The following RARS1 variants were observed in gnomAD, a reference collection of about 807,000 sequenced individuals.
RARS1 encodes the protein arginyl-tRNA synthetase 1.
A neutral mutation model predicts 78.7 loss-of-function variants in RARS1; 75 were observed. That is an observed-to-expected ratio of 0.95 (90% CI 0.79 to 1.15). The LOEUF (loss-of-function observed/expected upper bound fraction) is 1.15, where lower values mean the gene tolerates loss of function less well. Among genes scored for constraint, RARS1 ranks in the 50% most tolerant of loss-of-function variants. RARS1 has a pLI of 0.00. For synonymous variants in RARS1, 273 were observed against 268.2 expected (o/e 1.02, Z -0.18); for missense variants, 787 against 787.5 (o/e 1.00, Z 0.01).
intron 10 of RARS1, 30 bp from the exon 11 acceptor site, chr5:168,506,692 C>G: frequency 6.8e-7 from 1 of 1,468,890 alleles, no homozygotes; most frequent in East Asian, 2.3e-5. Flanking sequence ...TTAAAGAAGA[C>G]TAGCAAGTAA....
Position 168,488,729 on chromosome 5 carries a change from T to C in RARS1, c.173T>C (p.Leu58Pro). 1 of 1,603,670 alleles carries C rather than the reference T, an allele frequency of 6.2e-7. No homozygotes were observed. The highest frequency in any genetic ancestry group is 8.5e-7 in the Non-Finnish European group (1 of 1,176,982). The change falls in exon 2 of 15, where the codon CTT becomes CCT. Residue 58 changes from leucine (L) to proline (P), a missense_variant. By Grantham distance (98) the Leu-to-Pro change is moderately conservative. Coordinates refer to ENST00000231572, the MANE Select transcript of RARS1 (RefSeq NM_002887.4). The part of the protein sequence containing the change: ...NLKLKYRLNI[L>P]RKSLQAERNK... ...AAATTAAAGTATCGACTGAATATTC[T>C]TCGAAAGGTGAGTACTTTGGGTTCC...
Position 168,488,661 on chromosome 5 carries a change from A to T in RARS1, c.105A>T (p.Leu35Phe). 6.2e-7 allele frequency: 1 copy of T among 1,612,922 alleles called. No homozygotes were observed. Among genetic ancestry groups the T allele is most frequent in the Non-Finnish European group, 8.5e-7 (1 of 1,179,752 alleles). ...EIDRLKNCGC[L>F]GASPNLEQLQ... ...ACCGGTTGAAAAACTGTGGCTGTTT[A>T]GGAGCTTCTCCAAATTTGGAGCAGT... Residue 35 changes from leucine (L) to phenylalanine (F), a missense_variant, in exon 2 of 15, where the codon TTA becomes TTT. Coordinates refer to ENST00000231572, the MANE Select transcript of RARS1 (RefSeq NM_002887.4).
intron 13 of RARS1, 99 bp downstream of exon 13, chr5:168,517,049 C>G (rs984173148): frequency 7.8e-6 from 10 of 1,285,736 alleles, no homozygotes; most frequent in Non-Finnish European, 5.4e-6. Flanking sequence ...GAGACGGGGT[C>G]TTGGGCTCAA....
At chr5:168,494,214 C>T in intron 4 of RARS1, 1 of 979,328 alleles carries the variant, frequency 1.0e-6, no homozygotes. Context: ...TACTTTGCCT[C>T]TCTGTGATTC....
rs771746576 is a variant in RARS1, at chr5:168,495,409, T to G, written c.674T>G (p.Phe225Cys). The G allele has an allele frequency of 2.5e-6, 4 of 1,613,956 alleles. No homozygotes were observed. The South Asian group carries it at 3.3e-5, about 13-fold the overall frequency. The change falls in exon 6 of 15, where the codon TTT becomes TGT. Residue 225 changes from phenylalanine to cysteine, a missense_variant. By Grantham distance (205) the Phe-to-Cys change is radical. Transcript: ENST00000231572. The part of the protein sequence containing the change: ...TIIGESISRL[F>C]EFAGYDVLRL... ...ATAGGAGAGAGTATAAGCCGCCTCT[T>G]TGAATTTGCAGGGTATGACGTGCTC...
Position 168,493,997 on chromosome 5 carries a change from G to T in RARS1, c.473G>T (p.Gly158Val). 6.3e-7 allele frequency: 1 copy of T among 1,597,670 alleles called. No homozygotes were observed. Among genetic ancestry groups the T allele is most frequent in the African/African-American group, 1.3e-5 (1 of 74,592 alleles). The stretch of plus-strand genomic sequence containing the variant: ...TGTATTGAAAAAGTTGAAATTGCTG[G>T]TCCTGGTATGACATAATGTTATCCT... The part of the protein sequence containing the change: ...NECIEKVEIA[G>V]PGFINVHLRK... The change falls in exon 4 of 15, where the codon GGT becomes GTT. Residue 158 changes from glycine to valine, a missense_variant. Transcript: ENST00000231572.
chr5:168,503,443 C>G (rs1423514847), intron 9 of RARS1, among the ~76,000 whole-genome samples: 1 of 152,122 alleles, frequency 6.6e-6, no homozygotes, highest in Non-Finnish European at 1.5e-5. Context: ...TAGGTTTGTT[C>G]CTTAGCATCT....
chr5:168,489,478 C>T (rs1330482989), intron 2 of RARS1, among the ~76,000 whole-genome samples: 1 of 152,198 alleles, frequency 6.6e-6, no homozygotes, highest in Non-Finnish European at 1.5e-5. Flanking sequence ...TTATATCTTA[C>T]ATAATCATTT....
rs147430319 is a variant in RARS1 at position 168,492,682 on chromosome 5, A to G, written c.204A>G (p.Lys68=). 8.5e-5 allele frequency: 137 copies of G among 1,607,668 alleles called. No homozygotes were observed. Among genetic ancestry groups the G allele is most frequent in the Admixed American group, 1.8e-4 (11 of 59,970 alleles). Residue 68 remains lysine, a synonymous_variant, in exon 3 of 15, where the codon AAA becomes AAG. Transcript: ENST00000231572. ...AGAGTCTTCAGGCAGAAAGGAACAA[A>G]CCAACTAAAAATATGATTAACATTA... The part of the protein sequence containing the change: ...LRKSLQAERN[K]PTKNMINIIS...
Position 168,517,975 on chromosome 5 carries a change from A to G in RARS1, c.1786A>G (p.Thr596Ala). 1 of 1,610,160 alleles carries G rather than the reference A, an allele frequency of 6.2e-7. No homozygotes were observed. Among genetic ancestry groups the G allele is most frequent in the South Asian group, 1.1e-5 (1 of 90,960 alleles). Residue 596 changes from threonine (T) to alanine (A), a missense_variant, in exon 14 of 15, where the codon ACT (threonine) becomes GCT (alanine). Thr to Ala is a moderately conservative substitution (Grantham distance 58, BLOSUM62 0). Coordinates refer to ENST00000231572, the MANE Select transcript of RARS1 (RefSeq NM_002887.4). Reference sequence around the variant, plus strand: ...GATTTTAGATGACTTATTTCTCCACACTCTCTGTGATTATATATATGAGCT... The same window carrying G: ...GATTTTAGATGACTTATTTCTCCACGCTCTCTGTGATTATATATATGAGCT... ...QKILDDLFLH[T>A]LCDYIYELAT...
Position 168,495,340 on chromosome 5 carries a change from A to C in RARS1, c.605A>C (p.Asn202Thr). The C allele has an allele frequency of 6.2e-7, 1 of 1,613,816 alleles. No homozygotes were observed. Among genetic ancestry groups the C allele is most frequent in the South Asian group, 1.1e-5 (1 of 91,060 alleles). The change falls in exon 6 of 15, where the codon AAT becomes ACT. Residue 202 changes from asparagine (N) to threonine (T), a missense_variant. Coordinates refer to ENST00000231572, the MANE Select transcript of RARS1 (RefSeq NM_002887.4). The stretch of plus-strand genomic sequence containing the variant: ...GTTATAGTTGACTTTTCCTCCCCTA[A>C]TATAGCTAAAGAGATGCATGTAGGC... ...KKVIVDFSSPNIAKEMHVGHL... is the reference protein window; with the variant it reads ...KKVIVDFSSPTIAKEMHVGHL...
chr5:168,498,788 A>G (rs1488206967), intron 7 of RARS1, among the ~76,000 whole-genome samples: 2 of 152,040 alleles, frequency 1.3e-5, no homozygotes, highest in African/African-American at 4.8e-5. Context: ...GCAACATGGC[A>G]AAACCTCATC....
chr5:168,519,153 T>A lies in RARS1; in HGVS notation c.1946T>A (p.Phe649Tyr). ...EAVAAVMAKG[F>Y]DILGIKPVQR... is the part of the protein sequence containing the mutation. ...GTAGCTGCTGTCATGGCCAAGGGGTTTGATATCCTGGGAATAAAACCTGTC... is the reference window on the plus strand; with the variant it reads ...GTAGCTGCTGTCATGGCCAAGGGGTATGATATCCTGGGAATAAAACCTGTC... Residue 649 changes from phenylalanine to tyrosine, a missense_variant, in exon 15 of 15, where the codon TTT becomes TAT. Transcript: ENST00000231572. 6.2e-7 allele frequency: 1 copy of A among 1,614,040 alleles called. No homozygotes were observed. The highest frequency in any genetic ancestry group is 8.5e-7 in the Non-Finnish European group (1 of 1,179,924).
chr5:168,503,273 T>C (rs1758368058), intron 9 of RARS1, among the ~76,000 whole-genome samples: 1 of 152,214 alleles, frequency 6.6e-6, no homozygotes, highest in Non-Finnish European at 1.5e-5. Flanking sequence ...TCATTGGAGG[T>C]TGGAAAATGG....
At chr5:168,513,427 C>G (rs1301676443) in intron 12 of RARS1, among the ~76,000 whole-genome samples, 1 of 152,100 alleles carries the variant, frequency 6.6e-6, no homozygotes, top group Non-Finnish European at 1.5e-5. Flanking sequence ...TCAAGCAGTT[C>G]TCCTGCCTCA....
chr5:168,516,319 T>C (rs1472254377), intron 12 of RARS1, among the ~76,000 whole-genome samples: 1 of 152,192 alleles, frequency 6.6e-6, no homozygotes, highest in Non-Finnish European at 1.5e-5. Flanking sequence ...CTTGAGCAAA[T>C]ATTAGCAAAA....
At position 168,513,052 on chromosome 5, in the gene RARS1, C is replaced by CT. The variant is rs541411053; in HGVS notation, c.1452+2377dup. 5.1e-3 allele frequency among the ~76,000 whole-genome samples: 738 copies of CT among 143,768 alleles called. 5 individuals carry two copies. Among genetic ancestry groups the CT allele is most frequent in the African/African-American group, 0.015 (579 of 39,562 alleles). 94.3% of individuals were successfully genotyped at this position (143,768 alleles called of 152,430 possible). Reference sequence around the variant, plus strand: ...TATTTTTCTTTCTTTTCTTTCTTTCCTTTTTTTTTTTGAGACAGAGTCTCG... The same window carrying CT: ...TATTTTTCTTTCTTTTCTTTCTTTCCTTTTTTTTTTTTGAGACAGAGTCTCG... On this transcript the variant is annotated intron_variant, in intron 12 of 14. Coordinates refer to ENST00000231572, the MANE Select transcript of RARS1 (RefSeq NM_002887.4).
At chr5:168,492,997 G>A (rs1758117859) in intron 3 of RARS1, 150 bp downstream of exon 3, 1 of 729,916 alleles carries the variant, frequency 1.4e-6, no homozygotes, top group Admixed American at 3.1e-5. Flanking sequence ...GAGTTGGGGG[G>A]GTATATGTTT....
At chr5:168,489,855 C>T (rs1758046669) in intron 2 of RARS1, among the ~76,000 whole-genome samples, 1 of 141,448 alleles carries the variant, frequency 7.1e-6, no homozygotes, top group African/African-American at 2.6e-5. Context: ...ACTCTTGTTG[C>T]TCAGGCTGGA....
Sources: gnomAD v4.1 joint callset for allele counts (sites outside exome capture counted in the v4.1 genomes callset) on GRCh38, gnomAD v4.1.1 for gene constraint, MANE v1.5 for transcripts, NCBI Gene and HGNC (gene_info 2026-07-23, HGNC 2026-07-21) for gene names.